P2RX7: variants seen among roughly 807,000 people sequenced by gnomAD.
P2RX7 encodes purinergic receptor P2X 7.
Under a neutral mutation model 71.6 loss-of-function variants are expected in P2RX7, and 62 were observed. The observed-to-expected ratio is 0.87, with a 90% CI of 0.71 to 1.07. The LOEUF (loss-of-function observed/expected upper bound fraction) is 1.07. P2RX7 is among the 50% of genes least tolerant of loss of function. The pLI is 0.00. For synonymous variants in P2RX7, 299 were observed against 283.3 expected, an observed-to-expected ratio of 1.06 and a Z score of -0.56; for missense variants, 686 against 748.5, an observed-to-expected ratio of 0.92 and a Z score of 0.97.
rs184325077 is a variant in P2RX7, at chr12:121,172,851, T to C, written c.882-2537T>C. Among the ~76,000 whole-genome samples the C allele has an allele frequency of 3.9e-5, 6 of 152,358 alleles. No homozygotes were observed. The East Asian group carries it at 1.2e-3, about 29-fold the overall frequency. ...TTTCTTACTATTTTTTGGCAGAACA[T>C]CTGCCATCTGCTTTCTTCTCTCCCT... On this transcript the variant is annotated intron_variant, in intron 8 of 12. Transcript: ENST00000328963.
chr12:121,167,497 A>G lies in P2RX7; in HGVS notation c.754A>G (p.Met252Val). 6.2e-7 allele frequency: 1 copy of G among 1,614,002 alleles called. No individual in the cohort carries two copies. The highest frequency in any genetic ancestry group is 8.5e-7 in the Non-Finnish European group (1 of 1,179,936). The change falls in exon 8 of 13, where the codon ATG (methionine) becomes GTG (valine). Residue 252 changes from methionine to valine, a missense_variant. By Grantham distance (21) the Met-to-Val change is conservative. Transcript: ENST00000328963. ...FSDVAIQGGI[M>V]GIEIYWDCNL... ...CTTGTTGATCCTTCAGGGCGGAATA[A>G]TGGGCATTGAGATCTACTGGGACTG...
intron 8 of P2RX7, among the ~76,000 whole-genome samples, chr12:121,169,280 T>C (rs990915762): frequency 1.3e-5 from 2 of 152,186 alleles, no homozygotes; most frequent in African/African-American, 4.8e-5. Context: ...AATTTTCATT[T>C]CTAGGATTTT....
intron 7 of P2RX7, among the ~76,000 whole-genome samples, chr12:121,166,558 C>A (rs1007154185): frequency 2.0e-4 from 30 of 152,306 alleles, no homozygotes; most frequent in Admixed American, 5.2e-4. Context: ...CTCAGCTTTT[C>A]CACCTTCTGG....
Position 121,186,064 on chromosome 12 carries a change from A to AT in P2RX7, c.*1262_*1263insT, listed in dbSNP as rs1884859093. ...GCGAGACTCCATCTCAAAAAAAAAA[A>AT]AAAGAAAAAAAAAATGTCTGCCTAT... On this transcript the variant is annotated 3_prime_UTR_variant, in exon 13 of 13. Coordinates refer to ENST00000328963, the MANE Select transcript of P2RX7 (RefSeq NM_002562.6). The AT allele has an allele frequency of 6.5e-6, 1 of 152,960 alleles. No individual in the cohort carries two copies. Among genetic ancestry groups the AT allele is most frequent in the African/African-American group, 2.4e-5 (1 of 41,284 alleles). The allele number at this position is 152,960 out of a possible 1,614,324, so 9.5% of individuals were successfully genotyped here.
rs1183841125 is a variant in P2RX7, at chr12:121,185,982, A to G, written c.*1180A>G. ...GACAGGAGAAACACTTGAACCTGGG[A>G]GGTGGAGGTTGCATTGAGCTGAGAT... On this transcript the variant is annotated 3_prime_UTR_variant, in exon 13 of 13. Coordinates refer to ENST00000328963, the MANE Select transcript of P2RX7 (RefSeq NM_002562.6). 4 of 150,904 alleles carry G rather than the reference A, an allele frequency of 2.7e-5. No homozygotes were observed. Among genetic ancestry groups the G allele is most frequent in the African/African-American group, 4.9e-5 (2 of 40,950 alleles). 9.3% of individuals were successfully genotyped at this position (150,904 alleles called of 1,614,324 possible).
At position 121,187,010 on chromosome 12, in the gene P2RX7, C is replaced by T. The variant is rs921724930; in HGVS notation, c.*2208C>T. On this transcript the variant is annotated 3_prime_UTR_variant, in exon 13 of 13. Transcript: ENST00000328963. Reference sequence around the variant, plus strand: ...TGCTAGCTGCTTCAAAAGCAACCCACACCACACTTTTACCATTTCCATACA... The same window carrying T: ...TGCTAGCTGCTTCAAAAGCAACCCATACCACACTTTTACCATTTCCATACA... 6.6e-6 allele frequency: 1 copy of T among 152,254 alleles called. No homozygotes were observed. Among genetic ancestry groups the T allele is most frequent in the Non-Finnish European group, 1.5e-5 (1 of 68,046 alleles). The allele number at this position is 152,254 out of a possible 1,614,324, so 9.4% of individuals were successfully genotyped here.
intron 7 of P2RX7, 81 bp downstream of exon 7, chr12:121,166,268 C>G: frequency 6.8e-7 from 1 of 1,462,324 alleles, no homozygotes. Context: ...GGCCGGGCCA[C>G]TGGGTCTTCA....
At chr12:121,150,894 G>A (rs1447057641) in intron 1 of P2RX7, among the ~76,000 whole-genome samples, 1 of 152,220 alleles carries the variant, frequency 6.6e-6, no homozygotes, top group East Asian at 1.9e-4. Flanking sequence ...TGGCAACAGA[G>A]TGAGACTCCG....
In P2RX7 at chr12:121,186,595, C is replaced by T. The variant is rs374774076; in HGVS notation, c.*1793C>T. ...CACAATTCTTTGACTGAAGGCCGGG[C>T]GTGGTGGCTCACGCCTGTAATCCCA... On this transcript the variant is annotated 3_prime_UTR_variant, in exon 13 of 13. Transcript: ENST00000328963. 9.2e-5 allele frequency: 14 copies of T among 152,320 alleles called. No homozygotes were observed. The highest frequency in any genetic ancestry group is 1.5e-4 in the Non-Finnish European group (10 of 68,172). The allele number at this position is 152,320 out of a possible 1,614,324, so 9.4% of individuals were successfully genotyped here.
intron 12 of P2RX7, among the ~76,000 whole-genome samples, chr12:121,183,291 C>T (rs1161490681): frequency 1.3e-5 from 2 of 151,500 alleles, no homozygotes; most frequent in African/African-American, 2.4e-5. Flanking sequence ...TAAGTCATGG[C>T]CGGGTGCAGT....
rs113687409 is a variant in P2RX7 at position 121,163,327 on chromosome 12, T to TACACACAC, written c.533+830_533+837dup. Among the ~76,000 whole-genome samples, 441 of 145,306 alleles carry TACACACAC rather than the reference T, an allele frequency of 3.0e-3. 2 individuals are homozygous for TACACACAC. Among genetic ancestry groups the TACACACAC allele is most frequent in the African/African-American group, 0.01 (399 of 39,030 alleles). On this transcript the variant is annotated intron_variant, in intron 5 of 12. Transcript: ENST00000328963. ...AGGTAAGCCCCATGCATGCCTGGCT[T>TACACACAC]ACACACACACACACACACACACACA... is the stretch of plus-strand genomic sequence containing the variant.
chr12:121,184,445 C>A lies in P2RX7; in HGVS notation c.1431C>A (p.Cys477Ter). Reference sequence around the variant, plus strand: ...GATCCAGGGATAGCCCCGTCTGGTGCCAGTGTGGAAGCTGCCTCCCATCTC... The same window carrying A: ...GATCCAGGGATAGCCCCGTCTGGTGACAGTGTGGAAGCTGCCTCCCATCTC... ...TPRSRDSPVW[C>*]QCGSCLPSQL... The change falls in exon 13 of 13, where the codon TGC (cysteine) becomes TGA (stop). Residue 477 changes from cysteine (C) to a stop codon, truncating the protein, a stop_gained. Coordinates refer to ENST00000328963, the MANE Select transcript of P2RX7 (RefSeq NM_002562.6). LOFTEE classifies it high-confidence loss of function. The A allele has an allele frequency of 6.2e-7, 1 of 1,614,198 alleles. No homozygotes were observed. Among genetic ancestry groups the A allele is most frequent in the Non-Finnish European group, 8.5e-7 (1 of 1,180,038 alleles).
chr12:121,185,635 G>A lies in P2RX7; in HGVS notation c.*833G>A, dbSNP rs945297615. 1 of 152,594 alleles carries A rather than the reference G, an allele frequency of 6.6e-6. No individual in the cohort carries two copies. Among genetic ancestry groups the A allele is most frequent in the Admixed American group, 6.5e-5 (1 of 15,268 alleles). The allele number at this position is 152,594 out of a possible 1,614,324, so 9.5% of individuals were successfully genotyped here. A position where few individuals can be genotyped will look rare whatever the true frequency, so the allele number is the denominator to read the frequency against. On this transcript the variant is annotated 3_prime_UTR_variant, in exon 13 of 13. Transcript: ENST00000328963. ...CCTCCCCTTGAATATGGGTGGCTCT[G>A]ATTGCTTTATCCAAAAGTGGAAGTG...
chr12:121,185,082 C>CAA lies in P2RX7; in HGVS notation c.*280_*281insAA, dbSNP rs1555231866. On this transcript the variant is annotated 3_prime_UTR_variant, in exon 13 of 13. Transcript: ENST00000328963. ...CCTGGGAGGCACAGCAAACTGTCCC[C>CAA]CAAAAAAAAAAAAGAGTCCTTACCA... 138 of 195,590 alleles carry CAA rather than the reference C, an allele frequency of 7.1e-4. No individual in the cohort carries two copies. The highest frequency in any genetic ancestry group is 1.4e-3 in the East Asian group (14 of 9,698). 12.1% of individuals were successfully genotyped at this position (195,590 alleles called of 1,614,324 possible).
chr12:121,156,352 TTGTC>T (rs1195671409), intron 3 of P2RX7, among the ~76,000 whole-genome samples: 2 of 152,190 alleles, frequency 1.3e-5, no homozygotes, highest in Non-Finnish European at 2.9e-5. Flanking sequence ...CACCAGATCT[TTGTC>T]TGCCTGCCTC....
chr12:121,170,009 C>T (rs1292149018), intron 8 of P2RX7, among the ~76,000 whole-genome samples: 8 of 152,296 alleles, frequency 5.3e-5, no homozygotes, highest in African/African-American at 1.9e-4. Flanking sequence ...AGTGCTTATA[C>T]CTGGCCCACA....
At chr12:121,135,837 G>A (rs1000923758) in intron 1 of P2RX7, among the ~76,000 whole-genome samples, 1 of 149,528 alleles carries the variant, frequency 6.7e-6, no homozygotes. Context: ...AACTCCATCT[G>A]TGCTAAAAAT....
At chr12:121,151,157 G>A (rs1271529340) in intron 1 of P2RX7, among the ~76,000 whole-genome samples, 2 of 152,160 alleles carry the variant, frequency 1.3e-5, no homozygotes, top group Admixed American at 6.6e-5. Context: ...CCAGGAGTTT[G>A]TGGCTGTCGT....
At chr12:121,142,011 A>T (rs1057052041) in intron 1 of P2RX7, among the ~76,000 whole-genome samples, 1 of 152,220 alleles carries the variant, frequency 6.6e-6, no homozygotes. Context: ...ATTCAAATTC[A>T]GGAATGGAGG....
Sources: gnomAD v4.1 joint callset for allele counts (sites outside exome capture counted in the v4.1 genomes callset) on GRCh38, gnomAD v4.1.1 for gene constraint, MANE v1.5 for transcripts, NCBI Gene and HGNC (gene_info 2026-07-23, HGNC 2026-07-21) for gene names.